Variants in SCAF1 observed in about 807,000 individuals in gnomAD.
The protein encoded by SCAF1 is SR-related CTD associated factor 1.
Under a neutral mutation model 91.2 loss-of-function variants are expected in SCAF1, and 28 were observed. The ratio of observed to expected loss-of-function variants is 0.31; its 90% CI spans 0.23 to 0.42. The LOEUF is 0.42. Among genes scored for constraint, SCAF1 ranks in the 10% least tolerant of loss-of-function variants. The pLI is 1.00. For synonymous variants in SCAF1, 1,036 were observed against 833.7 expected (o/e 1.24, Z -4.18); for missense variants, 1,893 against 1,872.1 (o/e 1.01, Z -0.21).
intron 7 of SCAF1, 37 bp downstream of exon 7, chr19:49,653,742 G>T (rs750214997): frequency 1.7e-4 from 258 of 1,475,900 alleles, no homozygotes; most frequent in Non-Finnish European, 2.1e-4. Context: ...GCTGGGGCAG[G>T]TGAGACAGGA....
Position 49,652,001 on chromosome 19 carries a change from G to T in SCAF1, c.1612G>T (p.Gly538Cys). ...CAAGGAGGCCGCCTCGTCCTCGTCG[G>T]GCACCCAGCCAGCGCCGCCCGCCCC... ...EAKEAASSSS[G>C]TQPAPPAPAS... The change falls in exon 7 of 11, where the codon GGC (glycine) becomes TGC (cysteine). Residue 538 changes from glycine (G) to cysteine (C), a missense_variant. This residue lies in a region of SCAF1 where 1,436 missense variants were observed against 1,306.8 expected (regional missense o/e 1.10). Coordinates refer to ENST00000360565, the MANE Select transcript of SCAF1 (RefSeq NM_021228.3). 1 of 1,198,670 alleles carries T rather than the reference G, an allele frequency of 8.3e-7. No individual in the cohort carries two copies. The highest frequency in any genetic ancestry group is 1.0e-6 in the Non-Finnish European group (1 of 957,512). 74.3% of individuals were successfully genotyped at this position (1,198,670 alleles called of 1,614,324 possible).
rs1568444215 is a variant in SCAF1 at position 49,652,607 on chromosome 19, GAGGAGCGGGGCGGCA to G, written c.2221_2235del (p.Glu741_Lys745del). 3.8e-6 allele frequency: 6 copies of G among 1,563,678 alleles called. No individual in the cohort carries two copies. Among genetic ancestry groups the G allele is most frequent in the African/African-American group, 2.7e-5 (2 of 73,570 alleles). On this transcript the variant is annotated inframe_deletion, in exon 7 of 11. Coordinates refer to ENST00000360565, the MANE Select transcript of SCAF1 (RefSeq NM_021228.3). ...GTACGACTCCGAGGGACTGAGCGGC[GAGGAGCGGGGCGGCA>G]AGAGCAGCCAGAAGGATCGGCGCCG...
In SCAF1 at chr19:49,646,558, A is replaced by T. The variant is rs1568440789; in HGVS notation, c.294A>T (p.Ala98=). ...ACATGGCCACGGACAGCTTCCTCGC[A>T]GGGCTGGTGAGTGTCCTGGATCCCC... ...VLDMATDSFL[A]GLVSVLDPPD... Residue 98 remains alanine (A), a synonymous_variant, in exon 5 of 11, where the codon GCA becomes GCT. Coordinates refer to ENST00000360565, the MANE Select transcript of SCAF1 (RefSeq NM_021228.3). This position sits in a 1 kb window ranked among gnomAD's most constrained non-coding sequence, Gnocchi z 5.6. 1.2e-6 allele frequency: 2 copies of T among 1,614,054 alleles called. No homozygotes were observed. Among genetic ancestry groups the T allele is most frequent in the Non-Finnish European group, 8.5e-7 (1 of 1,179,992 alleles).
At chr19:49,654,913 G>T (rs957586483) in intron 9 of SCAF1, 43 bp downstream of exon 9, 2 of 1,434,148 alleles carry the variant, frequency 1.4e-6, no homozygotes, top group African/African-American at 1.4e-5. Context: ...TGACAGTTCT[G>T]TAGAGAATAT....
intron 6 of SCAF1, among the ~76,000 whole-genome samples, chr19:49,648,570 C>CCCT (rs1555748497): frequency 7.5e-5 from 11 of 146,890 alleles, no homozygotes; most frequent in African/African-American, 2.0e-4. Flanking sequence ...ACCCCCCCCC[C>CCCT]TTTTTTTTTA....
In SCAF1 at chr19:49,655,919, C is replaced by G. The variant is rs139422513; in HGVS notation, c.3618+1049C>G. 7.7e-3 allele frequency among the ~76,000 whole-genome samples: 1,168 copies of G among 152,362 alleles called. 12 individuals carry two copies. Among genetic ancestry groups the G allele is most frequent in the African/African-American group, 0.027 (1,108 of 41,576 alleles). ...TTCCTGAGCTCAAGTGATTCTCCCA[C>G]CTCAGCCTCCCAAAGTGCTGGGATT... On this transcript the variant is annotated intron_variant, in intron 9 of 10. Coordinates refer to ENST00000360565, the MANE Select transcript of SCAF1 (RefSeq NM_021228.3).
rs975961106 is a variant in SCAF1 at position 49,646,645 on chromosome 19, G to A, written c.362+19G>A. On this transcript the variant is annotated intron_variant, in intron 5 of 10. Transcript: ENST00000360565. The surrounding 1 kb of genome is among the most constrained non-coding windows in gnomAD (Gnocchi z 5.6). ...CTGGCGAGTGAGTAGCTGGGCAGCT[G>A]GAGTGGGAGAGGCCTCAGCGTGAGA... 4 of 1,613,640 alleles carry A rather than the reference G, an allele frequency of 2.5e-6. No individual in the cohort carries two copies. In the African/African-American group the frequency reaches 5.3e-5, roughly 22 times the overall value.
chr19:49,658,186 C>A, intron 10 of SCAF1, 22 bp from the exon 11 acceptor site: 6 of 1,604,454 alleles, frequency 3.7e-6, no homozygotes, highest in Non-Finnish European at 5.1e-6. Context: ...GGTGGTGACT[C>A]CAACTGTCCC....
At chr19:49,648,651 C>T (rs1267946914) in intron 6 of SCAF1, among the ~76,000 whole-genome samples, 1 of 150,308 alleles carries the variant, frequency 6.7e-6, no homozygotes, top group African/African-American at 2.4e-5. Flanking sequence ...CTTAGGGGCC[C>T]ACAAAAGTGT....
At position 49,652,921 on chromosome 19, in the gene SCAF1, T is replaced by C; in HGVS notation, c.2532T>C (p.Gly844=). The change falls in exon 7 of 11, where the codon GGT becomes GGC. Residue 844 remains glycine, a synonymous_variant. Transcript: ENST00000360565. ...QSKVAVLIRE[G]VSSTTPAKDA... ...AGGTGGCGGTGCTGATCCGCGAGGG[T>C]GTCAGCAGCACCACCCCGGCCAAGG... 1 of 1,613,404 alleles carries C rather than the reference T, an allele frequency of 6.2e-7. No individual in the cohort carries two copies. The highest frequency in any genetic ancestry group is 8.5e-7 in the Non-Finnish European group (1 of 1,179,858).
At position 49,651,012 on chromosome 19, in the gene SCAF1, C is replaced by A; in HGVS notation, c.623C>A (p.Pro208His). ...SPSPSSSSPS[P>H]PPPPPPPAPP... The stretch of plus-strand genomic sequence containing the variant: ...TCTCCCTCATCTTCCTCCCCTTCCC[C>A]TCCCCCACCCCCACCGCCCCCTGCA... Residue 208 changes from proline to histidine, a missense_variant, in exon 7 of 11, where the codon CCT becomes CAT. By Grantham distance (77) the Pro-to-His change is moderately conservative. This residue lies in a region of SCAF1 where 270 missense variants were observed against 292.5 expected (regional missense o/e 0.92). Transcript: ENST00000360565. 2 of 838,314 alleles carry A rather than the reference C, an allele frequency of 2.4e-6. No homozygotes were observed. Among genetic ancestry groups the A allele is most frequent in the Non-Finnish European group, 3.6e-6 (2 of 561,476 alleles). 51.9% of individuals were successfully genotyped at this position (838,314 alleles called of 1,614,324 possible).
In SCAF1 at chr19:49,653,636, A is replaced by G; in HGVS notation, c.3247A>G (p.Thr1083Ala). Reference sequence around the variant, plus strand: ...AGCTTCCCGTGTCTCCCAGCTGCCCACGTTGCCCCCGCCCATGCCCTGGAA... The same window carrying G: ...AGCTTCCCGTGTCTCCCAGCTGCCCGCGTTGCCCCCGCCCATGCCCTGGAA... ...GPASRVSQLP[T>A]LPPPMPWNLP... Residue 1083 changes from threonine to alanine, a missense_variant, in exon 7 of 11, where the codon ACG becomes GCG. Around this residue, in one of 5 missense-constraint regions of SCAF1, gnomAD observed 1,436 missense variants for 1,306.8 expected, o/e 1.10. Transcript: ENST00000360565. 6.3e-7 allele frequency: 1 copy of G among 1,587,428 alleles called. No individual in the cohort carries two copies. Among genetic ancestry groups the G allele is most frequent in the Non-Finnish European group, 8.5e-7 (1 of 1,171,716 alleles).
rs994760508 is a variant in SCAF1, at chr19:49,645,185, C to T, written c.108+51C>T. On this transcript the variant is annotated intron_variant, in intron 2 of 10. Coordinates refer to ENST00000360565, the MANE Select transcript of SCAF1 (RefSeq NM_021228.3). The surrounding 1 kb of genome is among the most constrained non-coding windows in gnomAD (Gnocchi z 4.6). Reference sequence around the variant, plus strand: ...GAGGGATGGAGGAGCTGGGCATCCACACTCCAGGGGCCTGACTCCAGGGCC... The same window carrying T: ...GAGGGATGGAGGAGCTGGGCATCCATACTCCAGGGGCCTGACTCCAGGGCC... The T allele has an allele frequency of 1.0e-5, 16 of 1,556,596 alleles. No homozygotes were observed. Among genetic ancestry groups the T allele is most frequent in the Non-Finnish European group, 1.4e-5 (16 of 1,129,652 alleles).
chr19:49,650,842 G>A (rs779265889), intron 6 of SCAF1, 26 bp from the exon 7 acceptor site: 53 of 1,580,180 alleles, frequency 3.4e-5, no homozygotes, highest in South Asian at 1.3e-4. Context: ...GGCCCTGACC[G>A]CCTCTCTCTC....
At position 49,658,327 on chromosome 19, in the gene SCAF1, G is replaced by A. The variant is rs1158859219; in HGVS notation, c.3867G>A (p.Gly1289=). The A allele has an allele frequency of 3.5e-5, 55 of 1,591,062 alleles. No individual in the cohort carries two copies. Among genetic ancestry groups the A allele is most frequent in the Non-Finnish European group, 4.5e-5 (53 of 1,170,720 alleles). The change falls in exon 11 of 11, where the codon GGG becomes GGA. Residue 1289 remains glycine, a synonymous_variant. Coordinates refer to ENST00000360565, the MANE Select transcript of SCAF1 (RefSeq NM_021228.3). The stretch of plus-strand genomic sequence containing the variant: ...GTCGCAAGCCAGGGGACCCCCCAGG[G>A]CCCCCACGGCCGCCCAAGGAGCCAG... The part of the protein sequence containing the change: ...KHGRKPGDPP[G]PPRPPKEPGP...
In SCAF1 at chr19:49,645,060, G is replaced by C. The variant is rs549032915; in HGVS notation, c.34G>C (p.Glu12Gln). Residue 12 changes from glutamate to glutamine, a missense_variant, in exon 2 of 11, where the codon GAG becomes CAG. Glu to Gln is a conservative substitution (Grantham distance 29). This residue lies in a region of SCAF1 where 270 missense variants were observed against 292.5 expected (regional missense o/e 0.92). Transcript: ENST00000360565. The surrounding 1 kb of genome is among the most constrained non-coding windows in gnomAD (Gnocchi z 4.6). Reference sequence around the variant, plus strand: ...AGAAGATGAGTCTCGAGGGAAGACAGAGGAGTCGGGGGAGGATCGGGGCGA... The same window carrying C: ...AGAAGATGAGTCTCGAGGGAAGACACAGGAGTCGGGGGAGGATCGGGGCGA... ...EEEDESRGKT[E>Q]ESGEDRGDGP... 1 of 1,614,174 alleles carries C rather than the reference G, an allele frequency of 6.2e-7. No individual in the cohort carries two copies. Among genetic ancestry groups the C allele is most frequent in the Middle Eastern group, 1.6e-4 (1 of 6,062 alleles).
intron 7 of SCAF1, 70 bp downstream of exon 7, chr19:49,653,775 T>TA (rs2122510853): frequency 7.3e-7 from 1 of 1,377,450 alleles, no homozygotes; most frequent in East Asian, 2.7e-5. Flanking sequence ...GGTACAGACT[T>TA]AGAGGCAGTG....
chr19:49,651,913 C>T lies in SCAF1; in HGVS notation c.1524C>T (p.Ala508=), dbSNP rs1406707506. 7 of 1,153,266 alleles carry T rather than the reference C, an allele frequency of 6.1e-6. No individual in the cohort carries two copies. The highest frequency in any genetic ancestry group is 1.7e-5 in the African/African-American group (1 of 58,424). 71.4% of individuals were successfully genotyped at this position (1,153,266 alleles called of 1,614,324 possible). ...CCCCGGCGCCCGCGCCCGCCCCGGC[C>T]GCCGCTGCTGGTCCGCCCACGCGCA... ...SPSPAPAPAP[A]AAAGPPTRKK... The change falls in exon 7 of 11, where the codon GCC becomes GCT. Residue 508 remains alanine (A), a synonymous_variant. Transcript: ENST00000360565.
At position 49,645,287 on chromosome 19, in the gene SCAF1, C is replaced by T; in HGVS notation, c.109-67C>T. 1 of 1,576,618 alleles carries T rather than the reference C, an allele frequency of 6.3e-7. No individual in the cohort carries two copies. Among genetic ancestry groups the T allele is most frequent in the African/African-American group, 1.3e-5 (1 of 74,094 alleles). Reference sequence around the variant, plus strand: ...GTCAGTGTCTGGGATGTCTGTCTCCCAAGGGGCAGAGGTTGCAAAGCATCT... The same window carrying T: ...GTCAGTGTCTGGGATGTCTGTCTCCTAAGGGGCAGAGGTTGCAAAGCATCT... On this transcript the variant is annotated intron_variant, in intron 2 of 10. Coordinates refer to ENST00000360565, the MANE Select transcript of SCAF1 (RefSeq NM_021228.3). The surrounding 1 kb of genome is among the most constrained non-coding windows in gnomAD (Gnocchi z 4.6).
Sources: allele counts gnomAD v4.1 joint callset (sites outside exome capture counted in the v4.1 genomes callset), GRCh38; gene constraint gnomAD v4.1.1; regional missense constraint gnomAD v4.1.1; non-coding constraint Gnocchi (gnomAD v3.1); transcripts MANE v1.5; gene names NCBI Gene and HGNC (gene_info 2026-07-23, HGNC 2026-07-21).